The following SIN3A variants were observed in gnomAD, a reference collection of about 807,000 sequenced individuals.
SIN3A encodes paired amphipathic helix protein Sin3a.
Under a neutral mutation model 146.1 loss-of-function variants are expected in SIN3A, and 14 were observed. That is an observed-to-expected ratio of 0.10 (90% confidence interval 0.06 to 0.15). The LOEUF is 0.15. SIN3A is among the 10% of genes least tolerant of loss of function. SIN3A has a pLI of 1.00. For synonymous variants in SIN3A, 572 were observed against 572.0 expected, an observed-to-expected ratio of 1.00 and a Z score of 0.00; for missense variants, 1,028 against 1,576.0, an observed-to-expected ratio of 0.65 and a Z score of 5.89.
At chr15:75,442,120 CAAAAAAAAAAAAAAAAAAAAAAA>C (rs57418865) in intron 1 of SIN3A, among the ~76,000 whole-genome samples, 1 of 29,278 alleles carries the variant, frequency 3.4e-5, no homozygotes, top group East Asian at 1.9e-3. Context: ...GACTCTGTCT[CAAAAAAAAAAAAAAAAAAAAAAA>C]AAAAAAAAAA....
At position 75,406,682 on chromosome 15, in the gene SIN3A, T is replaced by A. The variant is rs556373618; in HGVS notation, c.1407+373A>T. 2.1e-4 allele frequency among the ~76,000 whole-genome samples: 32 copies of A among 151,598 alleles called. No homozygotes were observed. The East Asian group carries it at 5.2e-3, about 25-fold the overall frequency. ...CAGCCTGGGCGACAGCGAGACTCCG[T>A]CTCAAAAAAAAAAAGATTACAAGTC... On this transcript the variant is annotated intron_variant, in intron 9 of 20. Transcript: ENST00000394947.
Position 75,392,687 on chromosome 15 carries a change from T to C in SIN3A, c.2406A>G (p.Thr802=). 1 of 1,614,224 alleles carries C rather than the reference T, an allele frequency of 6.2e-7. No homozygotes were observed. The highest frequency in any genetic ancestry group is 8.5e-7 in the Non-Finnish European group (1 of 1,180,024). Residue 802 remains threonine, a synonymous_variant, in exon 15 of 21, where the codon ACA becomes ACG. Transcript: ENST00000394947. The part of the protein sequence containing the change: ...ALIIHHVKRQ[T]GIQKEDKYKI... ...TATATTTGTCCTCCTTCTGAATGCC[T>C]GTCTGCCTCTTCACATGGTGGATAA...
At chr15:75,421,950 TCA>T (rs10586242) in intron 3 of SIN3A, 2,996 of 152,326 alleles carry the variant, frequency 0.02, 175 homozygotes, top group Admixed American at 0.11. Flanking sequence ...GATAATTCAT[TCA>T]CAGTTACAGT....
chr15:75,390,634 A>G (rs2073182926), intron 15 of SIN3A, among the ~76,000 whole-genome samples: 1 of 152,248 alleles, frequency 6.6e-6, no homozygotes, highest in Non-Finnish European at 1.5e-5. Flanking sequence ...TGGTTATCAG[A>G]GTACTGGTTA....
At chr15:75,428,131 C>G (rs2073958891) in intron 2 of SIN3A, among the ~76,000 whole-genome samples, 1 of 152,146 alleles carries the variant, frequency 6.6e-6, no homozygotes, top group Non-Finnish European at 1.5e-5. Context: ...GGACATAGAA[C>G]AGGAATATAC....
intron 2 of SIN3A, among the ~76,000 whole-genome samples, chr15:75,425,334 C>T (rs983260731): frequency 1.3e-5 from 2 of 152,170 alleles, no homozygotes; most frequent in Admixed American, 6.5e-5. Context: ...CCATGCCCAG[C>T]TAATTTTTGT....
intron 3 of SIN3A, chr15:75,422,278 T>C: frequency 2.3e-6 from 1 of 440,822 alleles, no homozygotes; most frequent in East Asian, 3.4e-5. Context: ...GTAAGATATA[T>C]TACTGGGCCA....
chr15:75,408,036 T>A (rs918015320), intron 8 of SIN3A, among the ~76,000 whole-genome samples: 1 of 150,910 alleles, frequency 6.6e-6, no homozygotes, highest in Admixed American at 6.6e-5. Flanking sequence ...CACCACTTAC[T>A]CTCTATGAAG....
chr15:75,385,010 C>A (rs1005597885), intron 16 of SIN3A, among the ~76,000 whole-genome samples: 2 of 152,114 alleles, frequency 1.3e-5, no homozygotes, highest in African/African-American at 4.8e-5. Context: ...CCCATCTCTA[C>A]TAAAAATACA....
intron 16 of SIN3A, among the ~76,000 whole-genome samples, 164 bp from the exon 17 acceptor site, chr15:75,384,601 G>GT (rs1188284143): frequency 1.3e-5 from 2 of 152,008 alleles, no homozygotes; most frequent in African/African-American, 4.8e-5. Context: ...ACAAACCACT[G>GT]TATCATTTTC....
At chr15:75,431,229 G>C (rs942214741) in intron 1 of SIN3A, among the ~76,000 whole-genome samples, 1 of 152,140 alleles carries the variant, frequency 6.6e-6, no homozygotes, top group Non-Finnish European at 1.5e-5. Flanking sequence ...AAGATGCTAC[G>C]TAACTTCAAC....
At chr15:75,440,982 C>CAA (rs769091157) in intron 1 of SIN3A, among the ~76,000 whole-genome samples, 1,834 of 71,326 alleles carry the variant, frequency 0.026, 62 homozygotes, top group East Asian at 0.13. Flanking sequence ...GACTCTGTCT[C>CAA]AAAAAAAAAA....
At chr15:75,407,244 G>A (rs774163139) in intron 8 of SIN3A, 100 bp from the exon 9 acceptor site, 1 of 699,088 alleles carries the variant, frequency 1.4e-6, no homozygotes, top group Non-Finnish European at 2.4e-6. Context: ...AACCACTGCT[G>A]ATTAATAATT....
At chr15:75,373,308 G>A (rs2072788489) in intron 20 of SIN3A, among the ~76,000 whole-genome samples, 2 of 152,136 alleles carry the variant, frequency 1.3e-5, no homozygotes, top group Admixed American at 1.3e-4. Flanking sequence ...AACCCGGGAA[G>A]TGGAGGATGC....
rs995466112 is a variant in SIN3A, at chr15:75,392,783, A to G, written c.2310T>C (p.Gly770=). Residue 770 remains glycine, a synonymous_variant, in exon 15 of 21, where the codon GGT becomes GGC. Coordinates refer to ENST00000394947, the MANE Select transcript of SIN3A (RefSeq NM_001145358.2). ...RQEQATEENA[G]VPVGPHLSLA... ...GTGAGAGGTGTGGGCCAACAGGTAC[A>G]CCAGCATTCTCCTCCGTAGCCTGCT... The G allele has an allele frequency of 1.9e-6, 3 of 1,613,494 alleles. No homozygotes were observed. The highest frequency in any genetic ancestry group is 2.5e-6 in the Non-Finnish European group (3 of 1,179,772).
At chr15:75,412,111 C>T (rs1366726457) in intron 5 of SIN3A, among the ~76,000 whole-genome samples, 10 of 152,280 alleles carry the variant, frequency 6.6e-5, no homozygotes. Flanking sequence ...GCAGTAGCTC[C>T]ACATAAAAAA....
intron 1 of SIN3A, among the ~76,000 whole-genome samples, chr15:75,434,410 G>T (rs2074066284): frequency 6.6e-6 from 1 of 152,122 alleles, no homozygotes; most frequent in African/African-American, 2.4e-5. Flanking sequence ...AGCGCTTTGG[G>T]AGGCCGAGGC....
At chr15:75,433,992 G>T (rs931464253) in intron 1 of SIN3A, among the ~76,000 whole-genome samples, 1 of 152,128 alleles carries the variant, frequency 6.6e-6, no homozygotes, top group African/African-American at 2.4e-5. Context: ...GAAAAACAAA[G>T]ATTAAGTAAA....
intron 16 of SIN3A, 136 bp downstream of exon 16, chr15:75,389,516 C>T (rs2073157801): frequency 1.3e-6 from 1 of 786,832 alleles, no homozygotes; most frequent in South Asian, 1.7e-5. Context: ...ATCACATTAA[C>T]CTCCCCTCCT....
Sources: gnomAD v4.1 joint callset for allele counts (sites outside exome capture counted in the v4.1 genomes callset) on GRCh38, gnomAD v4.1.1 for gene constraint, MANE v1.5 for transcripts, NCBI Gene and HGNC (gene_info 2026-07-23, HGNC 2026-07-21) for gene names.